Variants in KATNAL2 observed in about 807,000 individuals in gnomAD.
KATNAL2 encodes the protein katanin p60 ATPase-containing subunit A-like 2.
A neutral mutation model predicts 76.3 loss-of-function variants in KATNAL2; 52 were observed. The observed-to-expected ratio is 0.68, with a 90% CI of 0.55 to 0.86. The LOEUF is 0.86. Among genes scored for constraint, KATNAL2 ranks in the 40% least tolerant of loss-of-function variants. KATNAL2 has a pLI of 0.00. For missense variants in KATNAL2, 660 were observed against 668.9 expected (o/e 0.99, Z 0.15); for synonymous variants, 243 against 244.2 (o/e 1.00, Z 0.05).
At chr18:46,931,910 C>G (rs1442576400) in intron 1 of KATNAL2, among the ~76,000 whole-genome samples, 3 of 150,228 alleles carry the variant, frequency 2.0e-5, no homozygotes, top group Non-Finnish European at 3.0e-5. Context: ...TTCTTGTTTT[C>G]TTTTCTTTTC....
At chr18:47,059,275 T>G (rs1217399583) in intron 7 of KATNAL2, among the ~76,000 whole-genome samples, 1 of 152,188 alleles carries the variant, frequency 6.6e-6, no homozygotes, top group Non-Finnish European at 1.5e-5. Flanking sequence ...CGAATGGGGA[T>G]GGGTTGAGGC....
chr18:47,099,519 A>G (rs2063383703), intron 16 of KATNAL2, 114 bp downstream of exon 16: 1 of 1,009,220 alleles, frequency 9.9e-7, no homozygotes, highest in Admixed American at 3.1e-5. Flanking sequence ...AATAAGATCC[A>G]AGCTGCCCCC....
intron 15 of KATNAL2, among the ~76,000 whole-genome samples, chr18:47,087,881 G>A (rs2062843046): frequency 6.6e-6 from 1 of 151,774 alleles, no homozygotes; most frequent in Admixed American, 6.6e-5. Flanking sequence ...ATCTATTGTG[G>A]ACAACTTTGA....
intron 3 of KATNAL2, among the ~76,000 whole-genome samples, chr18:47,045,182 AG>A (rs2061114043): frequency 6.6e-6 from 1 of 152,182 alleles, no homozygotes. Context: ...AAAGCAACTT[AG>A]AAAAAAATTT....
chr18:47,047,758 T>C (rs2061206542), intron 4 of KATNAL2, among the ~76,000 whole-genome samples: 1 of 152,182 alleles, frequency 6.6e-6, no homozygotes, highest in Non-Finnish European at 1.5e-5. Flanking sequence ...CTCACTCTGT[T>C]GCCAGGGCTG....
rs1301601628 is a variant in KATNAL2, at chr18:46,944,651, C to T, written c.-509-1406C>T. Among the ~76,000 whole-genome samples the T allele has an allele frequency of 5.3e-5, 8 of 152,020 alleles. No individual in the cohort carries two copies. In the East Asian group the frequency reaches 9.6e-4, roughly 18 times the overall value. On this transcript the variant is annotated intron_variant, in intron 1 of 17. Coordinates refer to ENST00000683218, the MANE Select transcript of KATNAL2 (RefSeq NM_001387690.1). ...TCAGGAGGCTGAGGCAGGAGAATCG[C>T]TTTAACTAGGAAGGCAGAGGTTGCA... is the stretch of plus-strand genomic sequence containing the variant.
chr18:47,068,347 C>T (rs1001662350), intron 11 of KATNAL2, among the ~76,000 whole-genome samples: 4 of 152,176 alleles, frequency 2.6e-5, no homozygotes, highest in Non-Finnish European at 5.9e-5. Context: ...AGACAAAAAT[C>T]AATACATTTG....
At chr18:47,025,427 G>A (rs2060278918) in intron 3 of KATNAL2, among the ~76,000 whole-genome samples, 1 of 151,894 alleles carries the variant, frequency 6.6e-6, no homozygotes, top group East Asian at 2.0e-4. Flanking sequence ...CTATGGTGTC[G>A]GCTATTGTTT....
At chr18:47,044,110 G>T (rs2061068025) in intron 3 of KATNAL2, among the ~76,000 whole-genome samples, 1 of 152,032 alleles carries the variant, frequency 6.6e-6, no homozygotes, top group South Asian at 2.1e-4. Context: ...CTAGGGCAAG[G>T]GTGTCCAAAC....
intron 1 of KATNAL2, among the ~76,000 whole-genome samples, chr18:46,934,382 A>G (rs909866215): frequency 7.9e-5 from 12 of 152,112 alleles, no homozygotes; most frequent in African/African-American, 2.2e-4. Flanking sequence ...TTTGATTTGC[A>G]TTTCTCTGAT....
chr18:47,063,439 T>G, intron 10 of KATNAL2, 78 bp downstream of exon 10: 1 of 1,035,774 alleles, frequency 9.7e-7, no homozygotes, highest in Non-Finnish European at 1.5e-6. Flanking sequence ...CTTCTTTTAT[T>G]AATAACAATA....
At chr18:47,099,773 A>C (rs557879061) in intron 16 of KATNAL2, among the ~76,000 whole-genome samples, 1 of 152,194 alleles carries the variant, frequency 6.6e-6, no homozygotes. Flanking sequence ...TGATGATTAC[A>C]TAACAGAAAA....
At chr18:47,038,125 G>A (rs2060843632) in intron 3 of KATNAL2, among the ~76,000 whole-genome samples, 2 of 152,184 alleles carry the variant, frequency 1.3e-5, no homozygotes. Flanking sequence ...TGGAGTTGAA[G>A]TACCTGCCAT....
chr18:47,075,192 CAGTCAT>C, intron 13 of KATNAL2, 79 bp from the exon 14 acceptor site: 1 of 1,006,014 alleles, frequency 9.9e-7, no homozygotes, highest in Non-Finnish European at 1.4e-6. Context: ...CTTATTATTA[CAGTCAT>C]TCTAAGTTTT....
chr18:47,056,440 A>ACT (rs2061473916), intron 6 of KATNAL2, among the ~76,000 whole-genome samples: 1 of 152,214 alleles, frequency 6.6e-6, no homozygotes, highest in East Asian at 1.9e-4. Flanking sequence ...GACTAGAGCA[A>ACT]CTGCAGATGT....
intron 1 of KATNAL2, among the ~76,000 whole-genome samples, chr18:46,919,662 T>A (rs1295718980): frequency 2.0e-5 from 3 of 152,152 alleles, no homozygotes; most frequent in Non-Finnish European, 2.9e-5. Flanking sequence ...AAATAAAAAT[T>A]ATTATTTTAA....
intron 17 of KATNAL2, 80 bp downstream of exon 17, chr18:47,100,436 G>A: frequency 1.7e-6 from 2 of 1,162,932 alleles, no homozygotes; most frequent in South Asian, 1.3e-5. Context: ...CCTGGCGCCT[G>A]TTCTTGGTGC....
chr18:47,075,861 G>A (rs1270992297), intron 14 of KATNAL2, among the ~76,000 whole-genome samples: 2 of 152,240 alleles, frequency 1.3e-5, no homozygotes, highest in South Asian at 4.1e-4. Flanking sequence ...GCTCAGCAGG[G>A]CTGACTTTAA....
In KATNAL2 at chr18:47,035,976, C is replaced by T. The variant is rs149893023; in HGVS notation, c.52-10481C>T. Among the ~76,000 whole-genome samples, 323 of 152,268 alleles carry T rather than the reference C, an allele frequency of 2.1e-3. 1 individual carries two copies. The highest frequency in any genetic ancestry group is 7.5e-3 in the African/African-American group (310 of 41,552). ...AGGGATTAAAAGACAAAAATAAAACCGGTAGATTTTATTTCTTAACATCTG... is the reference window on the plus strand; with the variant it reads ...AGGGATTAAAAGACAAAAATAAAACTGGTAGATTTTATTTCTTAACATCTG... On this transcript the variant is annotated intron_variant, in intron 3 of 17. Transcript: ENST00000683218.
Sources: allele counts gnomAD v4.1 joint callset (sites outside exome capture counted in the v4.1 genomes callset), GRCh38; gene constraint gnomAD v4.1.1; transcripts MANE v1.5; gene names NCBI Gene and HGNC (gene_info 2026-07-23, HGNC 2026-07-21).